The following FHIT variants were observed in gnomAD, a reference collection of about 807,000 sequenced individuals.
FHIT encodes bis(5'-adenosyl)-triphosphatase.
FHIT carries 19 observed loss-of-function variants against 17.9 expected under a neutral mutation model. The ratio of observed to expected loss-of-function variants is 1.06; its 90% CI spans 0.74 to 1.56. The LOEUF (loss-of-function observed/expected upper bound fraction) is 1.56. FHIT is among the 40% of genes most tolerant of loss of function. The pLI, the probability that FHIT is intolerant of heterozygous loss-of-function variation, is 0.00. For synonymous variants in FHIT, 81 were observed against 69.7 expected (o/e 1.16, Z -0.81); for missense variants, 248 against 189.2 (o/e 1.31, Z -1.82).
At chr3:60,370,882 C>G (rs1700300452) in intron 5 of FHIT, among the ~76,000 whole-genome samples, 1 of 152,176 alleles carries the variant, frequency 6.6e-6, no homozygotes, top group South Asian at 2.1e-4. Flanking sequence ...TAAGTATTCC[C>G]ACACATCTCT....
chr3:60,594,190 C>T (rs1553665394), intron 4 of FHIT, among the ~76,000 whole-genome samples: 3 of 152,114 alleles, frequency 2.0e-5, no homozygotes, highest in African/African-American at 7.2e-5. Context: ...AGTACACTGG[C>T]AAACTGCCAG....
At chr3:61,048,127 G>T (rs1328337609) in intron 2 of FHIT, among the ~76,000 whole-genome samples, 1 of 151,132 alleles carries the variant, frequency 6.6e-6, no homozygotes, top group Non-Finnish European at 1.5e-5. Flanking sequence ...TGACAAATGG[G>T]ATCTAATTAA....
chr3:59,790,552 T>C (rs1205912856), intron 8 of FHIT, among the ~76,000 whole-genome samples: 1 of 152,100 alleles, frequency 6.6e-6, no homozygotes, highest in African/African-American at 2.4e-5. Flanking sequence ...GTATAAATCA[T>C]CTGTCTTCAT....
rs777687272 is a variant in FHIT at position 60,011,387 on chromosome 3, G to T, written c.263C>A (p.Ala88Asp). 2.5e-6 allele frequency: 4 copies of T among 1,613,354 alleles called. No homozygotes were observed. The East Asian group carries it at 8.9e-5, about 36-fold the overall frequency. Residue 88 changes from alanine (A) to aspartate (D), a missense_variant, in exon 7 of 10, where the codon GCC becomes GAC. Transcript: ENST00000492590. The part of the protein sequence containing the change: ...LTFSMQDGPE[A>D]GQTVKHVHVH... ...AGCACTCACCTTCACAGTCTGTCCGGCTTCGGGGCCATCCTAGAAGTAGGA... is the reference window on the plus strand; with the variant it reads ...AGCACTCACCTTCACAGTCTGTCCGTCTTCGGGGCCATCCTAGAAGTAGGA...
At chr3:60,417,390 G>A (rs1392164531) in intron 5 of FHIT, among the ~76,000 whole-genome samples, 1 of 152,106 alleles carries the variant, frequency 6.6e-6, no homozygotes, top group Non-Finnish European at 1.5e-5. Context: ...GTCACTTTTG[G>A]TTCATCATTC....
intron 5 of FHIT, among the ~76,000 whole-genome samples, chr3:60,083,215 T>C (rs1241464057): frequency 2.0e-5 from 3 of 152,086 alleles, no homozygotes; most frequent in Non-Finnish European, 4.4e-5. Context: ...AACAATAGGG[T>C]GTCCTTTTTC....
intron 4 of FHIT, among the ~76,000 whole-genome samples, chr3:60,737,630 T>C (rs1385699369): frequency 1.3e-5 from 2 of 152,200 alleles, no homozygotes; most frequent in Non-Finnish European, 2.9e-5. Flanking sequence ...TTCAGCTGCA[T>C]CGTATGGTGC....
intron 5 of FHIT, among the ~76,000 whole-genome samples, chr3:60,535,549 A>C (rs57352933): frequency 1.3e-5 from 2 of 152,028 alleles, no homozygotes; most frequent in African/African-American, 4.8e-5. Flanking sequence ...TATTAAAATT[A>C]AAAGTGCTGT....
rs550845293 is a variant in FHIT, at chr3:60,603,810, A to G, written c.-17-66831T>C. Among the ~76,000 whole-genome samples, 9 of 152,174 alleles carry G rather than the reference A, an allele frequency of 5.9e-5. No homozygotes were observed. In the South Asian group the frequency reaches 1.9e-3, roughly 32 times the overall value. On this transcript the variant is annotated intron_variant, in intron 4 of 9. Coordinates refer to ENST00000492590, the MANE Select transcript of FHIT (RefSeq NM_002012.4). Reference sequence around the variant, plus strand: ...AGAATGTATCCAAGGCAATAACACTATAAGGCTCTGTTTCATTTTTGTAAA... The same window carrying G: ...AGAATGTATCCAAGGCAATAACACTGTAAGGCTCTGTTTCATTTTTGTAAA...
At chr3:61,026,164 C>A (rs979080699) in intron 3 of FHIT, among the ~76,000 whole-genome samples, 3 of 152,058 alleles carry the variant, frequency 2.0e-5, no homozygotes, top group African/African-American at 7.3e-5. Context: ...CCCACCACTA[C>A]GCCCACTTCA....
At chr3:60,148,006 G>A (rs1236932725) in intron 5 of FHIT, among the ~76,000 whole-genome samples, 1 of 152,120 alleles carries the variant, frequency 6.6e-6, no homozygotes, top group Admixed American at 6.6e-5. Context: ...GGGTTTAATA[G>A]TAAATTATTC....
intron 8 of FHIT, among the ~76,000 whole-genome samples, chr3:59,758,502 C>CT (rs1399042910): frequency 6.6e-6 from 1 of 152,190 alleles, no homozygotes; most frequent in African/African-American, 2.4e-5. Flanking sequence ...TTGAATCTTA[C>CT]TGAGAGAAAC....
At chr3:60,806,733 C>T (rs1030097558) in intron 4 of FHIT, among the ~76,000 whole-genome samples, 2 of 152,154 alleles carry the variant, frequency 1.3e-5, no homozygotes, top group Non-Finnish European at 2.9e-5. Context: ...ATTGTTTTAT[C>T]CCAACCAGTG....
intron 2 of FHIT, among the ~76,000 whole-genome samples, chr3:61,126,423 G>A (rs141389024): frequency 0.01 from 1,537 of 152,248 alleles, 18 homozygotes; most frequent in African/African-American, 0.034. Context: ...GAGGCCTCAG[G>A]AAAATTACAG....
chr3:59,861,987 T>A (rs1222466996), intron 8 of FHIT, among the ~76,000 whole-genome samples: 1 of 151,084 alleles, frequency 6.6e-6, no homozygotes, highest in East Asian at 1.9e-4. Flanking sequence ...AAACAAAAAA[T>A]GCCAAATTAT....
At chr3:60,688,957 G>A (rs2040923422) in intron 4 of FHIT, among the ~76,000 whole-genome samples, 1 of 152,080 alleles carries the variant, frequency 6.6e-6, no homozygotes, top group Non-Finnish European at 1.5e-5. Flanking sequence ...ATATGGTGTG[G>A]CTCTGTGTCC....
chr3:59,880,192 G>A (rs1045987764), intron 8 of FHIT, among the ~76,000 whole-genome samples: 5 of 152,112 alleles, frequency 3.3e-5, no homozygotes, highest in African/African-American at 9.7e-5. Context: ...CCCTCTGCTC[G>A]TTTGTCTTTG....
rs531091847 is a variant in FHIT, at chr3:60,543,019, T to C, written c.-17-6040A>G. 2.6e-5 allele frequency among the ~76,000 whole-genome samples: 4 copies of C among 152,200 alleles called. No individual in the cohort carries two copies. In the East Asian group the frequency reaches 7.7e-4, roughly 29 times the overall value. ...GGAATGATTACAGTAAGTTCCCATA[T>C]ATACACAGGAATAAGTCTAGACTCC... On this transcript the variant is annotated intron_variant, in intron 4 of 9. Coordinates refer to ENST00000492590, the MANE Select transcript of FHIT (RefSeq NM_002012.4).
intron 4 of FHIT, among the ~76,000 whole-genome samples, chr3:60,651,336 C>A (rs1476250127): frequency 6.6e-6 from 1 of 152,014 alleles, no homozygotes; most frequent in East Asian, 1.9e-4. Context: ...TTTTATAATC[C>A]TTTTTCAGTA....
Sources: gnomAD v4.1 joint callset for allele counts (sites outside exome capture counted in the v4.1 genomes callset) on GRCh38, gnomAD v4.1.1 for gene constraint, MANE v1.5 for transcripts, NCBI Gene and HGNC (gene_info 2026-07-23, HGNC 2026-07-21) for gene names.